The following GRM7 variants were observed in gnomAD, a reference collection of about 807,000 sequenced individuals.
GRM7 encodes the protein metabotropic glutamate receptor 7.
GRM7 carries 35 observed loss-of-function variants against 84.5 expected under a neutral mutation model. The observed-to-expected ratio is 0.41, with a 90% CI of 0.32 to 0.55. The LOEUF (loss-of-function observed/expected upper bound fraction) is 0.55, where lower values mean the gene tolerates loss of function less well. Ranked by LOEUF, GRM7 falls within the 20% of genes least tolerant of loss-of-function variation. The pLI is 0.19. For synonymous variants in GRM7, 487 were observed against 455.1 expected, an observed-to-expected ratio of 1.07 and a Z score of -0.89; for missense variants, 1,003 against 1,194.6, an observed-to-expected ratio of 0.84 and a Z score of 2.36.
chr3:7,134,486 C>T (rs771915670), intron 1 of GRM7, among the ~76,000 whole-genome samples: 1 of 152,054 alleles, frequency 6.6e-6, no homozygotes, highest in African/African-American at 2.4e-5. Flanking sequence ...ATGGTTTCCT[C>T]TCAGATATTT....
chr3:7,124,037 CTCTT>C (rs1411788109), intron 1 of GRM7, among the ~76,000 whole-genome samples: 3 of 152,084 alleles, frequency 2.0e-5, no homozygotes, highest in Non-Finnish European at 2.9e-5. Context: ...AATTTTATGT[CTCTT>C]TCTTCCCTTT....
intron 1 of GRM7, among the ~76,000 whole-genome samples, chr3:7,079,213 G>A (rs1313345479): frequency 6.6e-6 from 1 of 152,206 alleles, no homozygotes; most frequent in Non-Finnish European, 1.5e-5. Context: ...CTGGCATTGT[G>A]TAAAGAATTT....
chr3:7,044,909 C>T (rs1696748354), intron 1 of GRM7, among the ~76,000 whole-genome samples: 1 of 152,130 alleles, frequency 6.6e-6, no homozygotes, highest in Admixed American at 6.5e-5. Context: ...ATTTGCAGGT[C>T]ATTTTTTAAA....
intron 1 of GRM7, among the ~76,000 whole-genome samples, chr3:6,872,461 C>A (rs1695153300): frequency 6.6e-6 from 1 of 151,922 alleles, no homozygotes; most frequent in South Asian, 2.1e-4. Flanking sequence ...GGGAGAAGAT[C>A]GTTGTATTTT....
At chr3:7,647,105 T>C (rs1314727226) in intron 8 of GRM7, among the ~76,000 whole-genome samples, 1 of 152,184 alleles carries the variant, frequency 6.6e-6, no homozygotes, top group African/African-American at 2.4e-5. Flanking sequence ...AATGGATGAT[T>C]ACGTAGATGG....
chr3:6,871,469 G>A (rs567577893), intron 1 of GRM7, among the ~76,000 whole-genome samples: 12 of 151,934 alleles, frequency 7.9e-5, no homozygotes, highest in Admixed American at 3.3e-4. Context: ...ATATGCCTAT[G>A]CATACTTACT....
intron 4 of GRM7, among the ~76,000 whole-genome samples, chr3:7,405,837 CATCACATCATCTAATATCAACAGTAGGTT>C (rs1043567635): frequency 5.9e-5 from 9 of 152,092 alleles, no homozygotes; most frequent in Middle Eastern, 3.4e-3. Flanking sequence ...ATCATCTATT[CATCACATCATCTAATATCAACAGTAGGTT>C]ATCACATCAT....
intron 4 of GRM7, among the ~76,000 whole-genome samples, chr3:7,329,817 G>T (rs1499212): frequency 0.44 from 67,421 of 151,796 alleles, 15,198 homozygotes; most frequent in African/African-American, 0.52. Context: ...TGTATACTTA[G>T]ATATGCATAA....
At chr3:7,305,717 T>C (rs967795312) in intron 3 of GRM7, among the ~76,000 whole-genome samples, 1 of 152,128 alleles carries the variant, frequency 6.6e-6, no homozygotes, top group African/African-American at 2.4e-5. Flanking sequence ...TCACAATCTT[T>C]GACCCAATCT....
At chr3:7,239,003 C>CTT (rs1445171927) in intron 2 of GRM7, among the ~76,000 whole-genome samples, 1 of 136,676 alleles carries the variant, frequency 7.3e-6, no homozygotes, top group East Asian at 2.1e-4. Context: ...TTTCCTTTTT[C>CTT]TTTTTTTTGA....
intron 2 of GRM7, among the ~76,000 whole-genome samples, chr3:7,247,644 T>C (rs1280287953): frequency 7.3e-6 from 1 of 136,664 alleles, no homozygotes; most frequent in Non-Finnish European, 1.6e-5. Flanking sequence ...AGAAAAATAA[T>C]AGTAAAAAAA....
Position 7,472,267 on chromosome 3 carries a change from T to C in GRM7, c.1515+10545T>C, listed in dbSNP as rs569373052. Among the ~76,000 whole-genome samples, 142 of 152,326 alleles carry C rather than the reference T, an allele frequency of 9.3e-4. 1 individual carries two copies. In the South Asian group the frequency reaches 0.027, roughly 29 times the overall value. The stretch of plus-strand genomic sequence containing the variant: ...CAAATCTTTCTAATTTATAAATTAC[T>C]CAGCCTCAGATATTCCTCTATAGAA... On this transcript the variant is annotated intron_variant, in intron 7 of 9. Coordinates refer to ENST00000357716, the MANE Select transcript of GRM7 (RefSeq NM_000844.4).
chr3:7,630,308 CT>C (rs1697810164), intron 8 of GRM7, among the ~76,000 whole-genome samples: 1 of 144,272 alleles, frequency 6.9e-6, no homozygotes, highest in African/African-American at 2.5e-5. Flanking sequence ...CCTGAGTTGT[CT>C]GATTAGATGC....
At chr3:7,134,358 A>T (rs1481052935) in intron 1 of GRM7, among the ~76,000 whole-genome samples, 1 of 152,100 alleles carries the variant, frequency 6.6e-6, no homozygotes, top group Non-Finnish European at 1.5e-5. Context: ...CCTGAGCCTA[A>T]TATTTTCAAA....
intron 3 of GRM7, 24 bp from the exon 4 acceptor site, chr3:7,306,474 A>G (rs1467809707): frequency 6.2e-7 from 1 of 1,606,190 alleles, no homozygotes; most frequent in East Asian, 2.2e-5. Flanking sequence ...TCATTAATAT[A>G]ACTTTCCATA....
chr3:7,373,233 CT>C (rs1001885418), intron 4 of GRM7, among the ~76,000 whole-genome samples: 70 of 152,114 alleles, frequency 4.6e-4, no homozygotes, highest in Admixed American at 4.3e-3. Context: ...CTAAGTTTTT[CT>C]TTTAGAATCA....
chr3:7,646,268 T>C (rs1158233245), intron 8 of GRM7, among the ~76,000 whole-genome samples: 1 of 152,190 alleles, frequency 6.6e-6, no homozygotes, highest in Non-Finnish European at 1.5e-5. Flanking sequence ...CTCGGCTCAC[T>C]GCAGCCTCTG....
intron 4 of GRM7, among the ~76,000 whole-genome samples, chr3:7,369,388 C>A (rs1037864032): frequency 6.7e-6 from 1 of 149,728 alleles, no homozygotes. Flanking sequence ...GAGGCCTAGG[C>A]CAGGGAGGTG....
chr3:7,095,551 AT>A (rs1698826688), intron 1 of GRM7, among the ~76,000 whole-genome samples: 1 of 152,156 alleles, frequency 6.6e-6, no homozygotes, highest in African/African-American at 2.4e-5. Context: ...TTAGGACCAC[AT>A]TCTTTCCCAA....
Sources: gnomAD v4.1 joint callset for allele counts (sites outside exome capture counted in the v4.1 genomes callset) on GRCh38, gnomAD v4.1.1 for gene constraint, MANE v1.5 for transcripts, NCBI Gene and HGNC (gene_info 2026-07-23, HGNC 2026-07-21) for gene names.